The following RYR2 variants were observed in gnomAD, a reference collection of about 807,000 sequenced individuals.
RYR2 encodes ryanodine receptor 2, also known as cardiac muscle ryanodine receptor-calcium release channel.
A neutral mutation model predicts 601.1 loss-of-function variants in RYR2; 227 were observed. That is an observed-to-expected ratio of 0.38 (90% confidence interval 0.34 to 0.42). The LOEUF (loss-of-function observed/expected upper bound fraction) is 0.42, where lower values mean the gene tolerates loss of function less well. Ranked by LOEUF, RYR2 falls within the 10% of genes least tolerant of loss-of-function variation. The pLI is 1.00. For synonymous variants in RYR2, 2,223 were observed against 2,175.1 expected (o/e 1.02, Z -0.61); for missense variants, 4,646 against 6,156.5 (o/e 0.75, Z 8.21).
intron 98 of RYR2, among the ~76,000 whole-genome samples, chr1:237,805,119 G>T (rs183618159): frequency 6.6e-6 from 1 of 152,062 alleles, no homozygotes; most frequent in Non-Finnish European, 1.5e-5. Flanking sequence ...AGCCTGCTGC[G>T]GAGTAGGAAG....
At chr1:237,100,948 G>A (rs1322624833) in intron 1 of RYR2, among the ~76,000 whole-genome samples, 1 of 151,938 alleles carries the variant, frequency 6.6e-6, no homozygotes, top group Non-Finnish European at 1.5e-5. Context: ...GTCCTGCTTG[G>A]TTTGTCACCA....
intron 2 of RYR2, among the ~76,000 whole-genome samples, chr1:237,284,237 C>T (rs545189239): frequency 9.9e-5 from 15 of 151,840 alleles, no homozygotes; most frequent in African/African-American, 1.4e-4. Flanking sequence ...ACAAATCAGC[C>T]GGGCGTGGTC....
At chr1:237,596,979 A>G (rs1204851237) in intron 34 of RYR2, among the ~76,000 whole-genome samples, 2 of 152,254 alleles carry the variant, frequency 1.3e-5, no homozygotes, top group African/African-American at 4.8e-5. Flanking sequence ...CCACCTCTGG[A>G]CCTGCCTTAG....
chr1:237,816,103 TG>T (rs1661795890), intron 100 of RYR2, among the ~76,000 whole-genome samples: 1 of 152,098 alleles, frequency 6.6e-6, no homozygotes, highest in South Asian at 2.1e-4. Context: ...AGACCTGGAC[TG>T]GGAACTGCAC....
At chr1:237,416,761 C>CAGAGAGAGAGAGAGAGAGAGAGAGAGAG (rs572524939) in intron 10 of RYR2, among the ~76,000 whole-genome samples, 1 of 147,202 alleles carries the variant, frequency 6.8e-6, no homozygotes, top group African/African-American at 2.5e-5. Context: ...CACACACACA[C>CAGAGAGAGAGAGAGAGAGAGAGAGAGAG]ACAGAGAGAG....
At position 237,565,175 on chromosome 1, in the gene RYR2, CTTTCTTTCTTTCTTTCTTT is replaced by C. The variant is rs1559035743; in HGVS notation, c.3215-1391_3215-1373del. On this transcript the variant is annotated intron_variant, in intron 27 of 104. Transcript: ENST00000366574. Reference sequence around the variant, plus strand: ...TTTCTTTCTCTTTCTTTCTTTCTTTCTTTCTTTCTTTCTTTCTTTCTTTCTTTCTTTCTTTCTTTCTTTC... The same window carrying C: ...TTTCTTTCTCTTTCTTTCTTTCTTTCCTTTCTTTCTTTCTTTCTTTCTTTC... Among the ~76,000 whole-genome samples, 639 of 97,386 alleles carry C rather than the reference CTTTCTTTCTTTCTTTCTTT, an allele frequency of 6.6e-3. 12 individuals carry two copies. Among genetic ancestry groups the C allele is most frequent in the African/African-American group, 0.02 (514 of 25,476 alleles). The allele number at this position is 97,386 out of a possible 152,430, so 63.9% of individuals were successfully genotyped here.
At chr1:237,280,490 A>T (rs1241566660) in intron 2 of RYR2, among the ~76,000 whole-genome samples, 1 of 152,214 alleles carries the variant, frequency 6.6e-6, no homozygotes, top group East Asian at 1.9e-4. Flanking sequence ...ATTATCAATA[A>T]CTATATTTTT....
At chr1:237,716,863 T>C (rs893972978) in intron 71 of RYR2, among the ~76,000 whole-genome samples, 3 of 152,152 alleles carry the variant, frequency 2.0e-5, no homozygotes, top group Non-Finnish European at 4.4e-5. Context: ...TCTTAAGCAT[T>C]GAAAATTAGA....
chr1:237,496,247 T>TA (rs1664057504), intron 19 of RYR2, among the ~76,000 whole-genome samples: 1 of 152,106 alleles, frequency 6.6e-6, no homozygotes, highest in African/African-American at 2.4e-5. Flanking sequence ...CTACTAAAAA[T>TA]AAAAAAGAAA....
intron 11 of RYR2, among the ~76,000 whole-genome samples, chr1:237,420,085 A>T (rs1040617465): frequency 3.9e-5 from 6 of 152,138 alleles, no homozygotes; most frequent in African/African-American, 1.4e-4. Flanking sequence ...TTCATTATAT[A>T]TTTTATACTG....
chr1:237,822,743 TAA>T lies in RYR2; in HGVS notation c.14590+3553_14590+3554del, dbSNP rs201702425. On this transcript the variant is annotated intron_variant, in intron 101 of 104. Transcript: ENST00000366574. ...AAAAGACACAGACTGGCAAATTGGA[TAA>T]AGAGTCAAGACCCATTAATGTGCTG... is the stretch of plus-strand genomic sequence containing the variant. Among the ~76,000 whole-genome samples, 15 of 152,200 alleles carry T rather than the reference TAA, an allele frequency of 9.9e-5. No homozygotes were observed. In the East Asian group the frequency reaches 2.9e-3, roughly 29 times the overall value.
intron 2 of RYR2, among the ~76,000 whole-genome samples, chr1:237,289,741 G>C (rs1462019856): frequency 1.3e-5 from 2 of 152,074 alleles, no homozygotes; most frequent in Non-Finnish European, 2.9e-5. Flanking sequence ...ATACATTTTT[G>C]TAAGCATGCT....
chr1:237,067,693 G>T (rs758214378), intron 1 of RYR2, among the ~76,000 whole-genome samples: 5 of 152,162 alleles, frequency 3.3e-5, no homozygotes, highest in Non-Finnish European at 4.4e-5. Context: ...AGCAAAACTT[G>T]TGTATCAATT....
chr1:237,566,832 T>G, intron 28 of RYR2, 57 bp downstream of exon 28: 1 of 1,547,858 alleles, frequency 6.5e-7, no homozygotes, highest in Non-Finnish European at 8.9e-7. Context: ...TCATCTCCTC[T>G]GCTGTTCCTC....
At chr1:237,553,168 C>G (rs548228808) in intron 27 of RYR2, among the ~76,000 whole-genome samples, 2 of 152,098 alleles carry the variant, frequency 1.3e-5, no homozygotes, top group Non-Finnish European at 2.9e-5. Flanking sequence ...AAAATATTGT[C>G]TCTTATGTTT....
chr1:237,322,181 C>G (rs1043813691), intron 2 of RYR2, among the ~76,000 whole-genome samples: 5 of 152,056 alleles, frequency 3.3e-5, no homozygotes, highest in South Asian at 2.1e-4. Flanking sequence ...AATGAGACAC[C>G]TGCAAACAGT....
intron 1 of RYR2, among the ~76,000 whole-genome samples, chr1:237,113,779 G>A (rs1298850198): frequency 6.6e-6 from 1 of 152,184 alleles, no homozygotes; most frequent in African/African-American, 2.4e-5. Flanking sequence ...CACCTATTGG[G>A]TGTTAGAGAG....
intron 89 of RYR2, among the ~76,000 whole-genome samples, chr1:237,782,167 T>C (rs1558400784): frequency 6.8e-6 from 1 of 146,880 alleles, no homozygotes; most frequent in Non-Finnish European, 1.5e-5. Context: ...TCCCAGCTTA[T>C]TTTGTTATTG....
intron 29 of RYR2, among the ~76,000 whole-genome samples, chr1:237,585,265 G>A (rs566399819): frequency 2.6e-5 from 4 of 152,162 alleles, no homozygotes; most frequent in Admixed American, 1.3e-4. Context: ...TGGTCACTTA[G>A]TAGCTGTGAG....
Sources: gnomAD v4.1 joint callset for allele counts (sites outside exome capture counted in the v4.1 genomes callset) on GRCh38, gnomAD v4.1.1 for gene constraint, MANE v1.5 for transcripts, NCBI Gene and HGNC (gene_info 2026-07-23, HGNC 2026-07-21) for gene names.